The following ZFYVE28 variants were observed in gnomAD, a reference collection of about 807,000 sequenced individuals.
ZFYVE28 encodes zinc finger FYVE-type containing 28.
Under a neutral mutation model 82.1 loss-of-function variants are expected in ZFYVE28, and 40 were observed. The ratio of observed to expected loss-of-function variants is 0.49; its 90% CI spans 0.38 to 0.63. ZFYVE28 has a LOEUF of 0.63. Among genes scored for constraint, ZFYVE28 ranks in the 30% least tolerant of loss-of-function variants. ZFYVE28 has a pLI of 0.00. For synonymous variants in ZFYVE28, 612 were observed against 546.1 expected (o/e 1.12, Z -1.68); for missense variants, 1,321 against 1,242.1 (o/e 1.06, Z -0.96).
rs73070604 is a variant in ZFYVE28, at chr4:2,354,132, T to C, written c.40-59A>G. ...TGGGGAACTGGAGGGGATGCCTCGG[T>C]TGGTTGCCTTGTCCCCAGGCCATGT... is the stretch of plus-strand genomic sequence containing the variant. On this transcript the variant is annotated intron_variant, in intron 1 of 12. Coordinates refer to ENST00000290974, the MANE Select transcript of ZFYVE28 (RefSeq NM_020972.3). The C allele has an allele frequency of 2.8e-3, 3,889 of 1,408,946 alleles. 90 individuals carry two copies. In the African/African-American group the frequency reaches 0.051, roughly 19 times the overall value. 87.3% of individuals were successfully genotyped at this position (1,408,946 alleles called of 1,614,324 possible). A position where few individuals can be genotyped will look rare whatever the true frequency, so the allele number is the denominator to read the frequency against.
intron 1 of ZFYVE28, among the ~76,000 whole-genome samples, chr4:2,405,465 C>T (rs963816270): frequency 2.0e-5 from 3 of 152,266 alleles, no homozygotes; most frequent in Non-Finnish European, 4.4e-5. Context: ...CTGATGGGTG[C>T]GCTGAGCAGA....
chr4:2,280,407 C>A (rs1711801551), intron 8 of ZFYVE28, among the ~76,000 whole-genome samples: 1 of 152,136 alleles, frequency 6.6e-6, no homozygotes, highest in South Asian at 2.1e-4. Flanking sequence ...ACTCTGGAAG[C>A]TGAGGTGGGA....
chr4:2,273,889 G>C (rs1736149935), intron 9 of ZFYVE28, among the ~76,000 whole-genome samples, 173 bp downstream of exon 9: 1 of 152,138 alleles, frequency 6.6e-6, no homozygotes, highest in South Asian at 2.1e-4. Flanking sequence ...TCCTGCCTGT[G>C]TGGGGTCAGT....
At chr4:2,293,380 A>G (rs573962042) in intron 8 of ZFYVE28, among the ~76,000 whole-genome samples, 6 of 152,354 alleles carry the variant, frequency 3.9e-5, no homozygotes, top group Middle Eastern at 3.4e-3. Flanking sequence ...AAGATCATCT[A>G]TGTAGGAAAA....
chr4:2,325,929 G>A (rs1431927923), intron 6 of ZFYVE28, among the ~76,000 whole-genome samples: 5 of 151,910 alleles, frequency 3.3e-5, no homozygotes, highest in Admixed American at 1.3e-4. Context: ...TCTTGCTGTT[G>A]AATTTTTTGA....
At chr4:2,316,236 G>C (rs1236266535) in intron 7 of ZFYVE28, 2 of 151,666 alleles carry the variant, frequency 1.3e-5, no homozygotes, top group Non-Finnish European at 2.9e-5. Flanking sequence ...CTGGAGTGCA[G>C]TGGCTATCAC....
At chr4:2,293,849 C>G (rs1714130752) in intron 8 of ZFYVE28, among the ~76,000 whole-genome samples, 1 of 151,062 alleles carries the variant, frequency 6.6e-6, no homozygotes, top group African/African-American at 2.4e-5. Context: ...TAAAACAAAC[C>G]AATTGACAAT....
At chr4:2,295,509 C>G (rs1436254051) in intron 8 of ZFYVE28, 3 of 152,280 alleles carry the variant, frequency 2.0e-5, no homozygotes, top group African/African-American at 7.2e-5. Context: ...ACTTCACCGC[C>G]ATGCTCACGT....
At chr4:2,360,205 C>T (rs966376325) in intron 1 of ZFYVE28, among the ~76,000 whole-genome samples, 25 of 151,808 alleles carry the variant, frequency 1.6e-4, no homozygotes, top group Admixed American at 1.3e-3. Flanking sequence ...TTCACGACCA[C>T]GAGGAACAAC....
intron 1 of ZFYVE28, among the ~76,000 whole-genome samples, chr4:2,379,939 C>T (rs1287890737): frequency 6.6e-6 from 1 of 152,006 alleles, no homozygotes; most frequent in Admixed American, 6.6e-5. Context: ...AGCCATGAGC[C>T]ACAGTACCCA....
At chr4:2,367,457 G>A (rs148209306) in intron 1 of ZFYVE28, among the ~76,000 whole-genome samples, 2,026 of 152,316 alleles carry the variant, frequency 0.013, 20 homozygotes, top group Middle Eastern at 0.034. Flanking sequence ...ATGGGGGAAC[G>A]CAGTCCGGTC....
At chr4:2,288,833 A>T (rs1193075612) in intron 8 of ZFYVE28, among the ~76,000 whole-genome samples, 4 of 152,144 alleles carry the variant, frequency 2.6e-5, no homozygotes, top group Non-Finnish European at 4.4e-5. Flanking sequence ...AAAAAAAAAG[A>T]TAGCTGGGCA....
At chr4:2,377,773 T>G (rs1469113859) in intron 1 of ZFYVE28, among the ~76,000 whole-genome samples, 1 of 152,244 alleles carries the variant, frequency 6.6e-6, no homozygotes, top group Non-Finnish European at 1.5e-5. Context: ...TACATCTCAG[T>G]GTGGATTTAC....
At chr4:2,275,395 T>G (rs1736326201) in intron 8 of ZFYVE28, among the ~76,000 whole-genome samples, 1 of 152,244 alleles carries the variant, frequency 6.6e-6, no homozygotes, top group Non-Finnish European at 1.5e-5. Context: ...TTCTGGGAAA[T>G]TTCCCCCAAC....
Position 2,305,190 on chromosome 4 carries a change from A to G in ZFYVE28, c.1150T>C (p.Ser384Pro), listed in dbSNP as rs766303370. The G allele has an allele frequency of 3.7e-6, 6 of 1,600,166 alleles. No homozygotes were observed. The South Asian group carries it at 4.4e-5, about 12-fold the overall frequency. ...GACCGCAGGCGCGGTCTACCTGGAG[A>G]GGCCTCCCCGCCTGGGCTGCCCTCC... is the stretch of plus-strand genomic sequence containing the variant. Reference protein sequence around the residue: ...GAEGSPGGEASPGRPRLRSGS... With the variant: ...GAEGSPGGEAPPGRPRLRSGS... The change falls in exon 8 of 13, where the codon TCT becomes CCT. Residue 384 changes from serine (S) to proline (P), a missense_variant. Physicochemically the swap from Ser to Pro is moderately conservative, Grantham distance 74. Coordinates refer to ENST00000290974, the MANE Select transcript of ZFYVE28 (RefSeq NM_020972.3).
intron 7 of ZFYVE28, among the ~76,000 whole-genome samples, chr4:2,318,581 T>C (rs996978083): frequency 7.2e-5 from 11 of 152,348 alleles, no homozygotes; most frequent in African/African-American, 2.6e-4. Flanking sequence ...CAGGCTCATC[T>C]GTGGATTCTC....
At position 2,271,368 on chromosome 4, in the gene ZFYVE28, C is replaced by A. The variant is rs757990231; in HGVS notation, c.2475G>T (p.Ala825=). 4 of 1,612,606 alleles carry A rather than the reference C, an allele frequency of 2.5e-6. No individual in the cohort carries two copies. Among genetic ancestry groups the A allele is most frequent in the Non-Finnish European group, 8.5e-7 (1 of 1,179,898 alleles). Residue 825 remains alanine (A), a synonymous_variant, in exon 12 of 13, where the codon GCG becomes GCT. Transcript: ENST00000290974. The part of the protein sequence containing the change: ...VPDEACGFCT[A]CKAPFTVIRR... ...GGATGACGGTGAAGGGTGCTTTGCA[C>A]GCCGTGCAGAAGCCACAGGCCTCGT...
intron 1 of ZFYVE28, among the ~76,000 whole-genome samples, chr4:2,370,649 C>T (rs1578287452): frequency 6.6e-6 from 1 of 152,330 alleles, no homozygotes; most frequent in African/African-American, 2.4e-5. Flanking sequence ...GGAGCACCCA[C>T]CATCCTGGGC....
rs747851907 is a variant in ZFYVE28, at chr4:2,274,083, G to A, written c.2185C>T (p.Arg729Cys). 6.2e-6 allele frequency: 10 copies of A among 1,614,106 alleles called. No homozygotes were observed. Among genetic ancestry groups the A allele is most frequent in the South Asian group, 1.1e-5 (1 of 91,080 alleles). ...RFHGSHDLIH[R>C]LFVCISGVAD... is the part of the protein sequence containing the mutation. The stretch of plus-strand genomic sequence containing the variant: ...ACACCTGAAATGCAGACGAACAGGC[G>A]GTGGATGAGGTCGTGGCTGCCGTGG... The change falls in exon 9 of 13, where the codon CGC (arginine) becomes TGC (cysteine). Residue 729 changes from arginine (R) to cysteine (C), a missense_variant. Arg to Cys is a radical substitution (Grantham distance 180). Coordinates refer to ENST00000290974, the MANE Select transcript of ZFYVE28 (RefSeq NM_020972.3).
Sources: gnomAD v4.1 joint callset for allele counts (sites outside exome capture counted in the v4.1 genomes callset) on GRCh38, gnomAD v4.1.1 for gene constraint, MANE v1.5 for transcripts, NCBI Gene and HGNC (gene_info 2026-07-23, HGNC 2026-07-21) for gene names.